The following WWOX variants were observed in gnomAD, a reference collection of about 807,000 sequenced individuals.
WWOX encodes WW domain containing oxidoreductase, also known as WW domain-containing oxidoreductase.
Under a neutral mutation model 46.2 loss-of-function variants are expected in WWOX, and 69 were observed. That is an observed-to-expected ratio of 1.49 (90% CI 1.23 to 1.82). WWOX has a LOEUF of 1.82. Ranked by LOEUF, WWOX falls within the 40% of genes most tolerant of loss-of-function variation. The pLI is 0.00. For synonymous variants in WWOX, 359 were observed against 202.6 expected, an observed-to-expected ratio of 1.77 and a Z score of -6.56; for missense variants, 919 against 542.6, an observed-to-expected ratio of 1.69 and a Z score of -6.89.
intron 8 of WWOX, chr16:78,891,717 C>T (rs1265165134): frequency 6.6e-6 from 1 of 152,096 alleles, no homozygotes; most frequent in Non-Finnish European, 1.5e-5. Flanking sequence ...CTAAATTGGT[C>T]AAGAAAGAGT....
At chr16:79,141,735 G>C (rs773272430) in intron 8 of WWOX, among the ~76,000 whole-genome samples, 1 of 151,478 alleles carries the variant, frequency 6.6e-6, no homozygotes, top group Non-Finnish European at 1.5e-5. Context: ...CGTCTAGCAC[G>C]GAGGGCCAGA....
chr16:78,797,697 T>C (rs1045910203), intron 8 of WWOX, among the ~76,000 whole-genome samples: 4 of 152,142 alleles, frequency 2.6e-5, no homozygotes, highest in Non-Finnish European at 5.9e-5. Flanking sequence ...CAGGCAAAAA[T>C]CCACTGGAGG....
chr16:78,797,737 C>T (rs867662289), intron 8 of WWOX, among the ~76,000 whole-genome samples: 2 of 152,306 alleles, frequency 1.3e-5, no homozygotes, highest in African/African-American at 4.8e-5. Context: ...CCTGTAATCC[C>T]AGCACTTTGG....
At chr16:78,756,838 A>G (rs2049661459) in intron 8 of WWOX, 3 of 684,262 alleles carry the variant, frequency 4.4e-6, no homozygotes, top group East Asian at 2.7e-5. Context: ...ACTGACCTGT[A>G]TAATCGATAG....
At chr16:78,771,055 C>T (rs531514195) in intron 8 of WWOX, among the ~76,000 whole-genome samples, 3 of 152,306 alleles carry the variant, frequency 2.0e-5, no homozygotes, top group African/African-American at 2.4e-5. Flanking sequence ...CGTGCAAAGG[C>T]CCTCAGGTCA....
At chr16:78,728,055 C>CTTCT (rs1555524549) in intron 8 of WWOX, among the ~76,000 whole-genome samples, 2 of 86,806 alleles carry the variant, frequency 2.3e-5, no homozygotes, top group Non-Finnish European at 4.3e-5. Flanking sequence ...TCCCTCCTTC[C>CTTCT]TTTTTTTTTT....
intron 8 of WWOX, among the ~76,000 whole-genome samples, chr16:78,921,042 G>C (rs2045366581): frequency 6.6e-6 from 1 of 152,008 alleles, no homozygotes; most frequent in Non-Finnish European, 1.5e-5. Flanking sequence ...TCCAATATAG[G>C]TCACATTTCC....
intron 5 of WWOX, among the ~76,000 whole-genome samples, chr16:78,320,820 C>T (rs62034365): frequency 0.018 from 2,748 of 152,278 alleles, 28 homozygotes; most frequent in South Asian, 0.033. Flanking sequence ...GACATCATCT[C>T]ATCTGTACTA....
intron 5 of WWOX, among the ~76,000 whole-genome samples, chr16:78,176,951 C>T (rs1049557998): frequency 6.6e-6 from 1 of 152,192 alleles, no homozygotes; most frequent in African/African-American, 2.4e-5. Flanking sequence ...CTACTCAAAG[C>T]ATGGTCCCTG....
chr16:78,602,879 C>T (rs1227276412), intron 8 of WWOX, among the ~76,000 whole-genome samples: 3 of 152,104 alleles, frequency 2.0e-5, no homozygotes, highest in African/African-American at 7.2e-5. Context: ...TTTTGCCAAT[C>T]CTGAGACTTG....
chr16:78,686,345 AC>A (rs1366528830), intron 8 of WWOX, among the ~76,000 whole-genome samples: 1 of 152,036 alleles, frequency 6.6e-6, no homozygotes, highest in Non-Finnish European at 1.5e-5. Context: ...CCCCGCCTCT[AC>A]TAAAAATACA....
chr16:78,627,225 G>A (rs1355782843), intron 8 of WWOX, among the ~76,000 whole-genome samples: 4 of 152,054 alleles, frequency 2.6e-5, no homozygotes, highest in Non-Finnish European at 4.4e-5. Context: ...TTCCCCCTGT[G>A]CCCCAGGTGT....
At chr16:78,878,456 A>G (rs2044276810) in intron 8 of WWOX, among the ~76,000 whole-genome samples, 1 of 152,208 alleles carries the variant, frequency 6.6e-6, no homozygotes, top group Non-Finnish European at 1.5e-5. Context: ...TTGATAATCA[A>G]AACTATTTTA....
rs1183827456 is a variant in WWOX at position 78,226,984 on chromosome 16, CAA to C, written c.516+62696_516+62697del. Among the ~76,000 whole-genome samples, 6 of 152,230 alleles carry C rather than the reference CAA, an allele frequency of 3.9e-5. No homozygotes were observed. In the South Asian group the frequency reaches 8.3e-4, roughly 21 times the overall value. ...GCATGTGAAAAAATAAGCAAAAAAACAAGAGGGATTTCTGTTACCATTGGCAT... is the reference window on the plus strand; with the variant it reads ...GCATGTGAAAAAATAAGCAAAAAAACGAGGGATTTCTGTTACCATTGGCAT... On this transcript the variant is annotated intron_variant, in intron 5 of 8. Coordinates refer to ENST00000566780, the MANE Select transcript of WWOX (RefSeq NM_016373.4).
At chr16:78,735,917 C>T (rs890481420) in intron 8 of WWOX, among the ~76,000 whole-genome samples, 1 of 151,848 alleles carries the variant, frequency 6.6e-6, no homozygotes, top group Non-Finnish European at 1.5e-5. Context: ...CCAGTGTTCT[C>T]TTTCTCTCAC....
At chr16:78,587,855 C>T (rs1158274271) in intron 8 of WWOX, among the ~76,000 whole-genome samples, 1 of 152,174 alleles carries the variant, frequency 6.6e-6, no homozygotes, top group Non-Finnish European at 1.5e-5. Context: ...TCCTTGCTGT[C>T]AGGAAACATT....
chr16:78,718,908 A>G (rs575934639), intron 8 of WWOX, among the ~76,000 whole-genome samples: 1 of 152,244 alleles, frequency 6.6e-6, no homozygotes, highest in South Asian at 2.1e-4. Context: ...GGGCTGACTC[A>G]TGACCTAAAG....
chr16:78,919,831 T>C (rs2045337205), intron 8 of WWOX, among the ~76,000 whole-genome samples: 1 of 152,130 alleles, frequency 6.6e-6, no homozygotes, highest in African/African-American at 2.4e-5. Context: ...CTTTATTTTC[T>C]TATGTGGGGA....
At chr16:78,327,335 C>G (rs946039187) in intron 5 of WWOX, among the ~76,000 whole-genome samples, 1 of 152,132 alleles carries the variant, frequency 6.6e-6, no homozygotes, top group Non-Finnish European at 1.5e-5. Flanking sequence ...TGAAGCGTGC[C>G]AGCTTTCAAA....
Sources: allele counts gnomAD v4.1 joint callset (sites outside exome capture counted in the v4.1 genomes callset), GRCh38; gene constraint gnomAD v4.1.1; transcripts MANE v1.5; gene names NCBI Gene and HGNC (gene_info 2026-07-23, HGNC 2026-07-21).